The following CSMD2 variants were observed in gnomAD, a reference collection of about 807,000 sequenced individuals.
CSMD2 encodes CUB and Sushi multiple domains 2.
Under a neutral mutation model 398.5 loss-of-function variants are expected in CSMD2, and 130 were observed. The observed-to-expected ratio is 0.33, with a 90% CI of 0.28 to 0.38. CSMD2 has a LOEUF of 0.38. Among genes scored for constraint, CSMD2 ranks in the 10% least tolerant of loss-of-function variants. The pLI is 1.00. For missense variants in CSMD2, 3,829 were observed against 4,764.9 expected (o/e 0.80, Z 5.78); for synonymous variants, 1,828 against 1,908.5 (o/e 0.96, Z 1.10).
intron 3 of CSMD2, among the ~76,000 whole-genome samples, chr1:33,997,540 C>G (rs970536932): frequency 6.6e-6 from 1 of 152,290 alleles, no homozygotes; most frequent in East Asian, 1.9e-4. Flanking sequence ...TCTTCCTCCC[C>G]TCTCTCAGTC....
intron 23 of CSMD2, among the ~76,000 whole-genome samples, chr1:33,699,443 C>G (rs1043745655): frequency 2.6e-5 from 4 of 152,178 alleles, no homozygotes; most frequent in African/African-American, 9.7e-5. Flanking sequence ...TCACAGGAGT[C>G]TTACAGGTGG....
chr1:33,713,212 C>T (rs902483192), intron 21 of CSMD2, among the ~76,000 whole-genome samples: 5 of 152,116 alleles, frequency 3.3e-5, no homozygotes, highest in African/African-American at 4.8e-5. Flanking sequence ...CCACCTTGGC[C>T]TGCATGAGTG....
In CSMD2 at chr1:33,519,166, G is replaced by A. The variant is rs777091572; in HGVS notation, c.*53+299C>T. Among the ~76,000 whole-genome samples the A allele has an allele frequency of 6.6e-6, 1 of 152,096 alleles. No homozygotes were observed. The highest frequency in any genetic ancestry group is 1.5e-5 in the Non-Finnish European group (1 of 68,012). On this transcript the variant is annotated intron_variant, in intron 70 of 70. Transcript: ENST00000373381. This position sits in a 1 kb window ranked among gnomAD's most constrained non-coding sequence, Gnocchi z 5.6. ...GCCAGTCAGCCTGGGATTGGATTTC[G>A]ACCCCACCCCTTCTGAGCTGTGTGA...
intron 3 of CSMD2, among the ~76,000 whole-genome samples, chr1:33,958,857 T>C (rs1160156205): frequency 3.9e-5 from 6 of 152,194 alleles, no homozygotes; most frequent in Admixed American, 1.3e-4. Context: ...TAAGCTGCTA[T>C]GTGCGTGGTG....
At chr1:33,721,820 T>A (rs1557788421) in intron 19 of CSMD2, among the ~76,000 whole-genome samples, 6 of 152,248 alleles carry the variant, frequency 3.9e-5, no homozygotes. Context: ...ATACAAATAG[T>A]ATATTTTAGA....
intron 3 of CSMD2, among the ~76,000 whole-genome samples, chr1:33,967,501 A>G (rs1382955141): frequency 6.6e-6 from 1 of 152,078 alleles, no homozygotes; most frequent in African/African-American, 2.4e-5. Flanking sequence ...AGGTATCTCT[A>G]TTGATTTCTT....
intron 33 of CSMD2, among the ~76,000 whole-genome samples, chr1:33,625,964 T>C (rs1032640428): frequency 6.6e-6 from 1 of 152,234 alleles, no homozygotes; most frequent in Non-Finnish European, 1.5e-5. Flanking sequence ...TCCCGAAGCC[T>C]CTTTGCATCC....
chr1:34,138,274 C>G (rs190672300), intron 1 of CSMD2, among the ~76,000 whole-genome samples: 8 of 152,286 alleles, frequency 5.3e-5, no homozygotes, highest in Non-Finnish European at 1.2e-4. Flanking sequence ...TGGAACTGTA[C>G]GATTTCCTCC....
At chr1:33,852,832 T>G (rs1248006514) in intron 5 of CSMD2, among the ~76,000 whole-genome samples, 1 of 152,252 alleles carries the variant, frequency 6.6e-6, no homozygotes, top group Non-Finnish European at 1.5e-5. Flanking sequence ...AATATGGTTT[T>G]ACCAGATTGC....
chr1:33,859,125 G>A (rs1308596785), intron 5 of CSMD2, among the ~76,000 whole-genome samples: 1 of 152,198 alleles, frequency 6.6e-6, no homozygotes, highest in African/African-American at 2.4e-5. Flanking sequence ...TCCTATTGCT[G>A]CCTTAACAAA....
Position 33,724,704 on chromosome 1 carries a change from G to A in CSMD2, c.2696C>T (p.Thr899Ile), listed in dbSNP as rs1238378876. ...ACAGTGGTCTGACTGCAGTGTTATA[G>A]CTGAAAGAGAGAGGCCACAGCTGGG... ...SDIGFQLRYE[T>I]ITLQSDHCLD... The change falls in exon 18 of 71, where the codon ACT becomes ATT. Residue 899 changes from threonine to isoleucine, a missense_variant and splice_region_variant. Coordinates refer to ENST00000373381, the MANE Select transcript of CSMD2 (RefSeq NM_001281956.2). 1.2e-6 allele frequency: 2 copies of A among 1,613,528 alleles called. No homozygotes were observed. Among genetic ancestry groups the A allele is most frequent in the Non-Finnish European group, 1.7e-6 (2 of 1,179,724 alleles).
chr1:33,638,465 A>G (rs1319989756), intron 29 of CSMD2, among the ~76,000 whole-genome samples: 1 of 152,246 alleles, frequency 6.6e-6, no homozygotes, highest in African/African-American at 2.4e-5. Context: ...TTCATCCATC[A>G]ATAACAGAAC....
At chr1:33,909,288 C>G (rs1243252109) in intron 5 of CSMD2, among the ~76,000 whole-genome samples, 2 of 152,108 alleles carry the variant, frequency 1.3e-5, no homozygotes, top group Non-Finnish European at 2.9e-5. Flanking sequence ...CTCCCTCTGC[C>G]TGGAAAGCTG....
chr1:33,709,464 C>A, intron 21 of CSMD2: 1 of 559,100 alleles, frequency 1.8e-6, no homozygotes, highest in Non-Finnish European at 3.1e-6. Context: ...TATGGTGCTG[C>A]CTGCTTTGTT....
At chr1:34,150,776 C>T (rs370814831) in intron 1 of CSMD2, among the ~76,000 whole-genome samples, 282 of 152,122 alleles carry the variant, frequency 1.9e-3, no homozygotes, top group African/African-American at 3.6e-3. Flanking sequence ...AAAAAATAGC[C>T]AAGGGTGGTG....
intron 12 of CSMD2, among the ~76,000 whole-genome samples, chr1:33,774,165 C>T (rs1651661208): frequency 6.7e-6 from 1 of 149,062 alleles, no homozygotes; most frequent in African/African-American, 2.5e-5. Context: ...CTAAGTTGAA[C>T]AACAAGGGTC....
rs150284355 is a variant in CSMD2, at chr1:33,619,493, T to C, written c.5828-1876A>G. ...GCCACATTCAGAGATGAGACTCTGA[T>C]AACTACATGTGCTTTTTTTCCCTCT... is the stretch of plus-strand genomic sequence containing the variant. On this transcript the variant is annotated intron_variant, in intron 37 of 70. Transcript: ENST00000373381. 5.7e-4 allele frequency among the ~76,000 whole-genome samples: 87 copies of C among 152,342 alleles called. 1 individual carries two copies. The Middle Eastern group carries it at 0.017, about 30-fold the overall frequency.
intron 3 of CSMD2, among the ~76,000 whole-genome samples, chr1:33,960,083 G>C (rs1461272363): frequency 6.6e-6 from 1 of 152,162 alleles, no homozygotes; most frequent in Non-Finnish European, 1.5e-5. Context: ...CCACAGTGAG[G>C]ACCCTACCCT....
At chr1:34,081,122 AACAC>A (rs1657049505) in intron 2 of CSMD2, among the ~76,000 whole-genome samples, 1 of 152,088 alleles carries the variant, frequency 6.6e-6, no homozygotes. Flanking sequence ...TCCCTGGACT[AACAC>A]ACACACAAAA....
Sources: gnomAD v4.1 joint callset for allele counts (sites outside exome capture counted in the v4.1 genomes callset) on GRCh38, gnomAD v4.1.1 for gene constraint, Gnocchi (gnomAD v3.1) non-coding constraint, MANE v1.5 for transcripts, NCBI Gene and HGNC (gene_info 2026-07-23, HGNC 2026-07-21) for gene names.